The following TCERG1 variants were observed in gnomAD, a reference collection of about 807,000 sequenced individuals.
TCERG1 encodes the protein transcription elongation regulator 1.
A neutral mutation model predicts 144.7 loss-of-function variants in TCERG1; 37 were observed. The ratio of observed to expected loss-of-function variants is 0.26; its 90% CI spans 0.20 to 0.34. The LOEUF (loss-of-function observed/expected upper bound fraction) is 0.34. Among genes scored for constraint, TCERG1 ranks in the 10% least tolerant of loss-of-function variants. TCERG1 has a pLI of 1.00. For missense variants in TCERG1, 1,027 were observed against 1,380.7 expected (o/e 0.74, Z 4.06); for synonymous variants, 492 against 458.2 (o/e 1.07, Z -0.94).
In TCERG1 at chr5:146,458,919, A is replaced by G. The variant is rs1763068945; in HGVS notation, c.474A>G (p.Ala158=). 1 of 1,613,962 alleles carries G rather than the reference A, an allele frequency of 6.2e-7. No homozygotes were observed. The highest frequency in any genetic ancestry group is 8.5e-7 in the Non-Finnish European group (1 of 1,179,874). The change falls in exon 4 of 23, where the codon GCA becomes GCG. Residue 158 remains alanine, a synonymous_variant. Transcript: ENST00000679501. ...YYYNARTRES[A]WTKPDGVKVI... ...ATAATGCTCGGACACGTGAATCTGC[A>G]TGGACCAAGCCAGATGGAGTTAAGG...
At chr5:146,480,151 G>A in intron 12 of TCERG1, 57 bp downstream of exon 12, 1 of 1,354,264 alleles carries the variant, frequency 7.4e-7, no homozygotes, top group South Asian at 1.4e-5. Flanking sequence ...AGTCGATTTG[G>A]TAATAATTTG....
At chr5:146,463,307 T>C in intron 4 of TCERG1, among the ~76,000 whole-genome samples, 1 of 152,216 alleles carries the variant, frequency 6.6e-6, no homozygotes, top group East Asian at 1.9e-4. Context: ...CCTCTCACAG[T>C]TAGAAATGTT....
chr5:146,506,494 G>C (rs1292842269), intron 19 of TCERG1, among the ~76,000 whole-genome samples: 2 of 152,202 alleles, frequency 1.3e-5, no homozygotes, highest in East Asian at 3.9e-4. Flanking sequence ...CACTTTGTTT[G>C]CTTATAATTT....
At chr5:146,480,178 G>C in intron 12 of TCERG1, 84 bp downstream of exon 12, 1 of 1,053,982 alleles carries the variant, frequency 9.5e-7, no homozygotes, top group Non-Finnish European at 1.4e-6. Context: ...GAAGGGACAG[G>C]TAATGTGAAT....
intron 21 of TCERG1, 21 bp from the exon 22 acceptor site, chr5:146,509,124 C>CTTTTT: frequency 3.5e-6 from 4 of 1,130,344 alleles, no homozygotes; most frequent in South Asian, 3.2e-5. Context: ...ATAATCTCAA[C>CTTTTT]TTTTTTTTTT....
chr5:146,504,224 G>A, intron 19 of TCERG1: 1 of 387,158 alleles, frequency 2.6e-6, no homozygotes. Flanking sequence ...TGCATATATG[G>A]AAAGTCATAA....
At chr5:146,494,538 C>T (rs796551163) in intron 16 of TCERG1, among the ~76,000 whole-genome samples, 4 of 152,154 alleles carry the variant, frequency 2.6e-5, no homozygotes, top group African/African-American at 4.8e-5. Context: ...TAAAATGAAA[C>T]GATCAGGCAC....
intron 17 of TCERG1, 51 bp from the exon 18 acceptor site, chr5:146,503,324 C>T: frequency 6.5e-7 from 1 of 1,537,184 alleles, no homozygotes. Context: ...TGATGAATTT[C>T]TCATGGTACA....
chr5:146,508,753 T>G (rs2150941277), intron 21 of TCERG1, among the ~76,000 whole-genome samples: 1 of 152,336 alleles, frequency 6.6e-6, no homozygotes, highest in South Asian at 2.1e-4. Flanking sequence ...TTACTCTTTT[T>G]GTTCTTGAAG....
intron 17 of TCERG1, chr5:146,499,689 A>T (rs920695238): frequency 2.0e-5 from 3 of 152,248 alleles, no homozygotes; most frequent in African/African-American, 7.2e-5. Context: ...TAAGAAAACC[A>T]AGTAAATAAG....
chr5:146,507,418 C>T lies in TCERG1; in HGVS notation c.2961+211C>T, dbSNP rs116131770. 160 of 468,252 alleles carry T rather than the reference C, an allele frequency of 3.4e-4. No homozygotes were observed. Among genetic ancestry groups the T allele is most frequent in the African/African-American group, 3.0e-3 (148 of 49,684 alleles). The allele number at this position is 468,252 out of a possible 1,614,324, so 29.0% of individuals were successfully genotyped here. A position where few individuals can be genotyped will look rare whatever the true frequency, so the allele number is the denominator to read the frequency against. ...CAGTTTTCACATTCATAACTGCTCCCATAGTAATTCAAAATGTCCTTAGCC... is the reference window on the plus strand; with the variant it reads ...CAGTTTTCACATTCATAACTGCTCCTATAGTAATTCAAAATGTCCTTAGCC... On this transcript the variant is annotated intron_variant, in intron 20 of 22. Coordinates refer to ENST00000679501, the MANE Select transcript of TCERG1 (RefSeq NM_001382548.1). This position sits in a 1 kb window ranked among gnomAD's most constrained non-coding sequence, Gnocchi z 4.6.
chr5:146,482,841 G>T, intron 14 of TCERG1, 114 bp downstream of exon 14: 3 of 1,306,768 alleles, frequency 2.3e-6, no homozygotes, highest in Non-Finnish European at 3.0e-6. Context: ...GGGATAAGGG[G>T]ATTTTTAAAA....
intron 13 of TCERG1, chr5:146,481,956 C>T (rs529084141): frequency 2.0e-5 from 3 of 152,260 alleles, no homozygotes; most frequent in African/African-American, 4.8e-5. Context: ...GCCCATGTTG[C>T]TCTCTGGGAC....
At chr5:146,491,620 A>C (rs1766433998) in intron 15 of TCERG1, among the ~76,000 whole-genome samples, 1 of 152,190 alleles carries the variant, frequency 6.6e-6, no homozygotes. Flanking sequence ...TGAGAGAACT[A>C]ACTGTGTCTT....
At chr5:146,463,109 A>T (rs950123651) in intron 4 of TCERG1, among the ~76,000 whole-genome samples, 1 of 152,152 alleles carries the variant, frequency 6.6e-6, no homozygotes, top group South Asian at 2.1e-4. Context: ...TTTTGTTGGT[A>T]TGCCTACTGT....
intron 2 of TCERG1, 148 bp from the exon 3 acceptor site, chr5:146,457,035 C>A: frequency 1.0e-6 from 1 of 976,862 alleles, no homozygotes; most frequent in Non-Finnish European, 1.5e-6. Context: ...ATTTTTGTTG[C>A]AGACATTTTG....
chr5:146,498,638 C>A lies in TCERG1; in HGVS notation c.2385C>A (p.Ala795=). 1.2e-6 allele frequency: 2 copies of A among 1,609,312 alleles called. No homozygotes were observed. Among genetic ancestry groups the A allele is most frequent in the South Asian group, 1.1e-5 (1 of 90,362 alleles). Residue 795 remains alanine (A), a synonymous_variant, in exon 17 of 23, where the codon GCC becomes GCA. Transcript: ENST00000679501. ...AAGCCTTGTTTAATGAGTTTGTGGC[C>A]GCTGCTAGGAAGAAAGAGAAAGAAG... The part of the protein sequence containing the change: ...DREALFNEFV[A]AARKKEKEDS...
intron 5 of TCERG1, among the ~76,000 whole-genome samples, chr5:146,465,306 G>A (rs1763678557): frequency 6.6e-6 from 1 of 152,308 alleles, no homozygotes; most frequent in Non-Finnish European, 1.5e-5. Context: ...GGAAGATTGA[G>A]AGGTAGCATG....
At chr5:146,482,978 GTAA>G (rs1410489746) in intron 14 of TCERG1, among the ~76,000 whole-genome samples, 1 of 152,128 alleles carries the variant, frequency 6.6e-6, no homozygotes, top group Non-Finnish European at 1.5e-5. Flanking sequence ...ATTGTGGTGA[GTAA>G]TATAAGACGA....
Sources: gnomAD v4.1 joint callset for allele counts (sites outside exome capture counted in the v4.1 genomes callset) on GRCh38, gnomAD v4.1.1 for gene constraint, Gnocchi (gnomAD v3.1) non-coding constraint, MANE v1.5 for transcripts, NCBI Gene and HGNC (gene_info 2026-07-23, HGNC 2026-07-21) for gene names.